NLRC4: variants seen among roughly 807,000 people sequenced by gnomAD.
NLRC4 encodes the protein NLR family CARD domain-containing protein 4.
Under a neutral mutation model 79.9 loss-of-function variants are expected in NLRC4, and 63 were observed. The observed-to-expected ratio is 0.79, with a 90% CI of 0.64 to 0.97. NLRC4 has a LOEUF of 0.97. Among genes scored for constraint, NLRC4 ranks in the 50% least tolerant of loss-of-function variants. The pLI is 0.00. For synonymous variants in NLRC4, 461 were observed against 456.5 expected (o/e 1.01, Z -0.12); for missense variants, 1,074 against 1,215.2 (o/e 0.88, Z 1.73).
intron 4 of NLRC4, among the ~76,000 whole-genome samples, chr2:32,244,778 G>A (rs960785366): frequency 1.3e-5 from 2 of 151,290 alleles, no homozygotes; most frequent in Non-Finnish European, 2.9e-5. Flanking sequence ...AGGAGTTCAA[G>A]ACTGGCCTTG....
intron 3 of NLRC4, 127 bp downstream of exon 3, chr2:32,252,292 G>C: frequency 1.4e-6 from 1 of 704,252 alleles, no homozygotes; most frequent in Middle Eastern, 4.0e-4. Context: ...TTCCTTAGCA[G>C]GTATCAAAGG....
chr2:32,246,946 A>C (rs1001576849), intron 4 of NLRC4, among the ~76,000 whole-genome samples: 1 of 151,994 alleles, frequency 6.6e-6, no homozygotes, highest in African/African-American at 2.4e-5. Flanking sequence ...CAGATGATTA[A>C]TTTTTGTTGG....
chr2:32,235,537 G>T lies in NLRC4; in HGVS notation c.2646C>A (p.Thr882=). ...IDRMNVLEQL[T]ALMLPWGCDV... is the part of the protein sequence containing the mutation. ...CACAGCCCCAGGGCAGCATCAGTGC[G>T]GTGAGCTGTTCTAGCACGTTCATCC... Residue 882 remains threonine, a synonymous_variant, in exon 8 of 9, where the codon ACC becomes ACA. Coordinates refer to ENST00000402280, the MANE Select transcript of NLRC4 (RefSeq NM_001199138.2). 1.2e-6 allele frequency: 2 copies of T among 1,614,184 alleles called. No homozygotes were observed. The highest frequency in any genetic ancestry group is 1.7e-6 in the Non-Finnish European group (2 of 1,180,014).
chr2:32,232,571 A>G (rs1260717950), intron 8 of NLRC4, among the ~76,000 whole-genome samples: 1 of 152,092 alleles, frequency 6.6e-6, no homozygotes, highest in Admixed American at 6.6e-5. Flanking sequence ...TCATTTCACC[A>G]TTGCATCTAT....
chr2:32,233,324 T>C (rs1171278397), intron 8 of NLRC4, among the ~76,000 whole-genome samples: 2 of 60,106 alleles, frequency 3.3e-5, no homozygotes, highest in Non-Finnish European at 5.8e-5. Context: ...ATTTTAAATA[T>C]ATATATATAT....
intron 5 of NLRC4, 123 bp from the exon 6 acceptor site, chr2:32,238,425 C>T (rs1377174090): frequency 5.2e-6 from 4 of 770,678 alleles, no homozygotes; most frequent in Non-Finnish European, 4.1e-6. Flanking sequence ...CTTCCTGCAG[C>T]GACTTTAAGT....
At chr2:32,227,348 T>C (rs1686428285) in intron 8 of NLRC4, among the ~76,000 whole-genome samples, 1 of 152,204 alleles carries the variant, frequency 6.6e-6, no homozygotes, top group Non-Finnish European at 1.5e-5. Flanking sequence ...GCCCAAATAG[T>C]ACCTAGGTCC....
Position 32,237,526 on chromosome 2 carries a change from T to C in NLRC4, c.2521+606A>G, listed in dbSNP as rs577988756. 2.6e-5 allele frequency among the ~76,000 whole-genome samples: 4 copies of C among 152,370 alleles called. 1 individual carries two copies. The South Asian group carries it at 8.3e-4, about 32-fold the overall frequency. ...TACAAATGGCTTCCTTAGTTATCTTTAGAGACTCCCAGCAGTTATATAGTT... is the reference window on the plus strand; with the variant it reads ...TACAAATGGCTTCCTTAGTTATCTTCAGAGACTCCCAGCAGTTATATAGTT... On this transcript the variant is annotated intron_variant, in intron 6 of 8. Coordinates refer to ENST00000402280, the MANE Select transcript of NLRC4 (RefSeq NM_001199138.2).
intron 1 of NLRC4, among the ~76,000 whole-genome samples, chr2:32,258,847 C>A (rs536378990): frequency 2.0e-4 from 30 of 152,194 alleles, no homozygotes; most frequent in South Asian, 6.2e-4. Flanking sequence ...GTGTGCATTC[C>A]CAAACCAAGT....
chr2:32,247,858 T>C (rs886253793), intron 4 of NLRC4, among the ~76,000 whole-genome samples: 11 of 152,240 alleles, frequency 7.2e-5, no homozygotes, highest in African/African-American at 2.6e-4. Context: ...ATCATGTCTT[T>C]TGCAGCAACA....
intron 2 of NLRC4, among the ~76,000 whole-genome samples, chr2:32,254,749 G>T (rs1409191133): frequency 6.6e-6 from 1 of 151,146 alleles, no homozygotes; most frequent in East Asian, 1.9e-4. Flanking sequence ...CTCCCAAGCA[G>T]CTGGGATTAC....
At chr2:32,231,765 G>T (rs1364133107) in intron 8 of NLRC4, among the ~76,000 whole-genome samples, 1 of 151,650 alleles carries the variant, frequency 6.6e-6, no homozygotes, top group African/African-American at 2.4e-5. Context: ...TTGCCATGTT[G>T]CTCAGACTGG....
In NLRC4 at chr2:32,230,907, A is replaced by G. The variant is rs188004934; in HGVS notation, c.2782+4494T>C. On this transcript the variant is annotated intron_variant, in intron 8 of 8. Coordinates refer to ENST00000402280, the MANE Select transcript of NLRC4 (RefSeq NM_001199138.2). ...ACTACCAGCATATGAATTTCTCCGT[A>G]TCCTTGCCAACAACACTTGTTATTG... Among the ~76,000 whole-genome samples, 43 of 152,278 alleles carry G rather than the reference A, an allele frequency of 2.8e-4. 2 individuals are homozygous for G. The East Asian group carries it at 7.7e-3, about 27-fold the overall frequency.
At chr2:32,228,700 T>C (rs553492805) in intron 8 of NLRC4, among the ~76,000 whole-genome samples, 3 of 151,982 alleles carry the variant, frequency 2.0e-5, no homozygotes, top group Non-Finnish European at 4.4e-5. Context: ...GCGGGATCTA[T>C]ACAGCAGAAT....
At chr2:32,240,496 G>A (rs1038588250) in intron 5 of NLRC4, among the ~76,000 whole-genome samples, 7 of 151,430 alleles carry the variant, frequency 4.6e-5, no homozygotes, top group African/African-American at 9.7e-5. Context: ...GCAGGGCCTG[G>A]TTCCCTGTGG....
intron 1 of NLRC4, among the ~76,000 whole-genome samples, chr2:32,257,189 A>G (rs888746463): frequency 6.6e-6 from 1 of 152,250 alleles, no homozygotes. Context: ...AAAAGACGGT[A>G]TAAGTGTCAA....
intron 1 of NLRC4, among the ~76,000 whole-genome samples, chr2:32,258,205 C>G (rs1198204532): frequency 6.6e-6 from 1 of 152,174 alleles, no homozygotes. Context: ...TGGTGGATGG[C>G]CTGCTGGCGT....
chr2:32,261,282 C>T (rs1687338619), intron 1 of NLRC4, among the ~76,000 whole-genome samples: 1 of 146,520 alleles, frequency 6.8e-6, no homozygotes, highest in Admixed American at 6.9e-5. Flanking sequence ...GAGCTATTCT[C>T]TTTTCTCTTT....
chr2:32,232,198 A>C (rs1558446484), intron 8 of NLRC4, among the ~76,000 whole-genome samples: 1 of 152,190 alleles, frequency 6.6e-6, no homozygotes, highest in Non-Finnish European at 1.5e-5. Context: ...TCACCTGACC[A>C]AGGTAGTGTC....
Sources: gnomAD v4.1 joint callset for allele counts (sites outside exome capture counted in the v4.1 genomes callset) on GRCh38, gnomAD v4.1.1 for gene constraint, MANE v1.5 for transcripts, NCBI Gene and HGNC (gene_info 2026-07-23, HGNC 2026-07-21) for gene names.